The following CALN1 variants were observed in gnomAD, a reference collection of about 807,000 sequenced individuals.
The protein encoded by CALN1 is calcium-binding protein 8.
CALN1 carries 17 observed loss-of-function variants against 30.6 expected under a neutral mutation model. The ratio of observed to expected loss-of-function variants is 0.56; its 90% CI spans 0.38 to 0.83. CALN1 has a LOEUF of 0.83. Among genes scored for constraint, CALN1 ranks in the 40% least tolerant of loss-of-function variants. CALN1 has a pLI of 0.00. For synonymous variants in CALN1, 156 were observed against 131.4 expected (o/e 1.19, Z -1.28); for missense variants, 291 against 354.9 (o/e 0.82, Z 1.45).
chr7:71,799,442 T>C (rs111516402), intron 6 of CALN1, among the ~76,000 whole-genome samples: 2 of 139,170 alleles, frequency 1.4e-5, no homozygotes, highest in African/African-American at 2.9e-5. Context: ...TATTTATTTA[T>C]TTATTTATTT....
chr7:72,365,752 A>G (rs1585588962), intron 2 of CALN1, among the ~76,000 whole-genome samples: 1 of 152,176 alleles, frequency 6.6e-6, no homozygotes, highest in African/African-American at 2.4e-5. Flanking sequence ...TAAGATCACG[A>G]ATAATCAAAG....
intron 2 of CALN1, among the ~76,000 whole-genome samples, chr7:72,326,574 C>T (rs1336621775): frequency 6.6e-6 from 1 of 152,192 alleles, no homozygotes; most frequent in Non-Finnish European, 1.5e-5. Flanking sequence ...GCTGAGACGC[C>T]ACATCAGTGT....
the CALN1 span, among the ~76,000 whole-genome samples, chr7:72,496,345 T>G: frequency 6.6e-6 from 1 of 152,142 alleles, no homozygotes; most frequent in African/African-American, 2.4e-5. Flanking sequence ...ACTTTTTTCT[T>G]CTAGCTCTGA....
chr7:72,114,209 A>C (rs1416649029), intron 3 of CALN1, among the ~76,000 whole-genome samples: 1 of 144,728 alleles, frequency 6.9e-6, no homozygotes. Context: ...GGTAAAACCC[A>C]AGAAAGAAGT....
chr7:71,783,502 GAAGGAGAGC>G lies in CALN1; in HGVS notation c.*4264_*4272del, dbSNP rs886420903. ...AGCAGAGCTTAGCAGCTTCTGCAAG[GAAGGAGAGC>G]AAGGACACAGTAAACACAGATCCCA... On this transcript the variant is annotated 3_prime_UTR_variant, in exon 7 of 7. Coordinates refer to ENST00000395275, the MANE Select transcript of CALN1 (RefSeq NM_031468.4). The G allele has an allele frequency of 6.6e-6, 1 of 152,490 alleles. No homozygotes were observed. Among genetic ancestry groups the G allele is most frequent in the East Asian group, 1.9e-4 (1 of 5,174 alleles). The allele number at this position is 152,490 out of a possible 1,614,324, so 9.4% of individuals were successfully genotyped here. A position where few individuals can be genotyped will look rare whatever the true frequency, so the allele number is the denominator to read the frequency against.
intron 3 of CALN1, among the ~76,000 whole-genome samples, chr7:72,247,223 C>CTT (rs1795235414): frequency 2.3e-5 from 1 of 43,490 alleles, no homozygotes; most frequent in Non-Finnish European, 6.0e-5. Flanking sequence ...AGACCATTTT[C>CTT]TTTCTTTTTT....
chr7:72,308,911 G>A (rs535001971), intron 2 of CALN1, among the ~76,000 whole-genome samples: 20 of 152,290 alleles, frequency 1.3e-4, no homozygotes, highest in African/African-American at 4.6e-4. Flanking sequence ...GAAATTCCAT[G>A]CAACTAACTC....
intron 4 of CALN1, among the ~76,000 whole-genome samples, chr7:72,035,830 C>T (rs751876854): frequency 2.7e-4 from 41 of 152,230 alleles, no homozygotes; most frequent in South Asian, 1.7e-3. Flanking sequence ...TTTTTGAAAA[C>T]GCATTAATGT....
chr7:72,450,930 GC>G (rs1019018178), upstream of CALN1, among the ~76,000 whole-genome samples: 3 of 152,072 alleles, frequency 2.0e-5, no homozygotes, highest in African/African-American at 7.2e-5. Context: ...CCTCAACTCT[GC>G]CCTTTCTCCA....
intron 3 of CALN1, among the ~76,000 whole-genome samples, chr7:72,213,174 G>C (rs1372492190): frequency 2.0e-5 from 3 of 152,188 alleles, no homozygotes; most frequent in Non-Finnish European, 4.4e-5. Flanking sequence ...CTAATGCATT[G>C]CGTGTCCTAA....
intron 5 of CALN1, among the ~76,000 whole-genome samples, chr7:71,863,091 T>C (rs919573764): frequency 6.7e-6 from 1 of 149,620 alleles, no homozygotes; most frequent in Non-Finnish European, 1.5e-5. Context: ...GAGACCCCTA[T>C]ATCTACAAAA....
intron 2 of CALN1, among the ~76,000 whole-genome samples, chr7:72,375,814 A>G (rs576179908): frequency 3.6e-4 from 55 of 152,272 alleles, no homozygotes; most frequent in African/African-American, 1.2e-3. Context: ...TTTTAAGTAT[A>G]TAATTGTTTG....
At chr7:72,432,609 C>T (rs1299731223) in intron 1 of CALN1, among the ~76,000 whole-genome samples, 2 of 152,142 alleles carry the variant, frequency 1.3e-5, no homozygotes, top group African/African-American at 2.4e-5. Flanking sequence ...TCCCGGACTG[C>T]TTTTCCCTTT....
At chr7:72,458,712 A>C in the CALN1 span, among the ~76,000 whole-genome samples, 40 of 80,198 alleles carry the variant, frequency 5.0e-4, 2 homozygotes, top group African/African-American at 2.1e-3. Context: ...ATATTATATA[A>C]TATATTTTAT....
At chr7:72,111,062 T>C (rs982876623) in intron 3 of CALN1, among the ~76,000 whole-genome samples, 22 of 152,230 alleles carry the variant, frequency 1.4e-4, no homozygotes, top group African/African-American at 4.6e-4. Flanking sequence ...CTAAAGTCTC[T>C]GGTGCGCCAG....
At chr7:71,954,019 A>C (rs1162165225) in intron 5 of CALN1, among the ~76,000 whole-genome samples, 3 of 152,154 alleles carry the variant, frequency 2.0e-5, no homozygotes, top group Admixed American at 6.5e-5. Context: ...TGAATTCACT[A>C]TTGCTAGAGA....
In CALN1 at chr7:71,806,699, T is replaced by G. The variant is rs566436181; in HGVS notation, c.658+3637A>C. On this transcript the variant is annotated intron_variant, in intron 6 of 6. Coordinates refer to ENST00000395275, the MANE Select transcript of CALN1 (RefSeq NM_031468.4). ...AGGTTCTGCATATCAATGAGACTACTGATGTCAGCTGGTCTGAAGGACCCC... is the reference window on the plus strand; with the variant it reads ...AGGTTCTGCATATCAATGAGACTACGGATGTCAGCTGGTCTGAAGGACCCC... 8.6e-5 allele frequency among the ~76,000 whole-genome samples: 13 copies of G among 151,454 alleles called. No homozygotes were observed. The East Asian group carries it at 2.5e-3, about 29-fold the overall frequency.
chr7:72,489,451 G>A, the CALN1 span, among the ~76,000 whole-genome samples: 1 of 152,162 alleles, frequency 6.6e-6, no homozygotes, highest in Non-Finnish European at 1.5e-5. Context: ...GTCCTATGAA[G>A]TGTGAGGGAT....
intron 2 of CALN1, among the ~76,000 whole-genome samples, chr7:72,294,750 T>TAAATA (rs1798734009): frequency 1.4e-5 from 2 of 147,838 alleles, no homozygotes; most frequent in African/African-American, 2.5e-5. Context: ...TCTAAAAAAG[T>TAAATA]AATAAATAAA....
Sources: allele counts gnomAD v4.1 joint callset (sites outside exome capture counted in the v4.1 genomes callset), GRCh38; gene constraint gnomAD v4.1.1; transcripts MANE v1.5; gene names NCBI Gene and HGNC (gene_info 2026-07-23, HGNC 2026-07-21).